TNFSF4: variants seen among roughly 807,000 people sequenced by gnomAD.
TNFSF4 encodes tumor necrosis factor ligand superfamily member 4.
Under a neutral mutation model 7.3 loss-of-function variants are expected in TNFSF4, and 4 were observed. The observed-to-expected ratio is 0.55, with a 90% CI of 0.27 to 1.25. The LOEUF (loss-of-function observed/expected upper bound fraction) is 1.25. Ranked by LOEUF, TNFSF4 falls within the 50% of genes most tolerant of loss-of-function variation. The probability of loss-of-function intolerance (pLI) is 0.12; values close to 1 mark genes in which losing one functional copy is unlikely to be tolerated. For synonymous variants in TNFSF4, 76 were observed against 83.7 expected (o/e 0.91, Z 0.50); for missense variants, 181 against 208.8 (o/e 0.87, Z 0.82).
chr1:173,177,797 C>G, the TNFSF4 span, among the ~76,000 whole-genome samples: 1 of 151,954 alleles, frequency 6.6e-6, no homozygotes, highest in Non-Finnish European at 1.5e-5. Flanking sequence ...TGCATCAAAT[C>G]ACTATAATGC....
chr1:173,441,178 C>T, the TNFSF4 span, among the ~76,000 whole-genome samples: 1 of 152,328 alleles, frequency 6.6e-6, no homozygotes, highest in Admixed American at 6.5e-5. Flanking sequence ...TTCCATTCCA[C>T]AGTCCACTTT....
At chr1:173,364,224 G>GATATATAT in the TNFSF4 span, among the ~76,000 whole-genome samples, 2 of 58,242 alleles carry the variant, frequency 3.4e-5, no homozygotes, top group Non-Finnish European at 6.8e-5. Flanking sequence ...AAGAAGACTA[G>GATATATAT]GTATATATAT....
At chr1:173,274,842 CTTAT>C in the TNFSF4 span, among the ~76,000 whole-genome samples, 9 of 152,072 alleles carry the variant, frequency 5.9e-5, no homozygotes, top group East Asian at 1.7e-3. Context: ...AAAAGAGTAC[CTTAT>C]TTTTGATACA....
the TNFSF4 span, among the ~76,000 whole-genome samples, chr1:173,313,987 A>G: frequency 6.6e-6 from 1 of 152,000 alleles, no homozygotes; most frequent in Non-Finnish European, 1.5e-5. Context: ...TCCCTTATGT[A>G]TAATCATATA....
the TNFSF4 span, among the ~76,000 whole-genome samples, chr1:173,215,917 G>A: frequency 6.6e-6 from 1 of 152,148 alleles, no homozygotes; most frequent in South Asian, 2.1e-4. Flanking sequence ...TGTGGTCTGT[G>A]TCCACAAATG....
At chr1:173,425,060 C>A in the TNFSF4 span, among the ~76,000 whole-genome samples, 1 of 152,324 alleles carries the variant, frequency 6.6e-6, no homozygotes, top group East Asian at 1.9e-4. Context: ...CAGGAATTGT[C>A]AATATTCCAC....
chr1:173,368,901 G>A, the TNFSF4 span, among the ~76,000 whole-genome samples: 1 of 152,126 alleles, frequency 6.6e-6, no homozygotes, highest in African/African-American at 2.4e-5. Flanking sequence ...CGCTCTTCTA[G>A]TTTATCCTAT....
At chr1:173,230,005 T>C in the TNFSF4 span, among the ~76,000 whole-genome samples, 1 of 151,892 alleles carries the variant, frequency 6.6e-6, no homozygotes, top group South Asian at 2.1e-4. Flanking sequence ...CACCCCACTG[T>C]CAACATTAGA....
the TNFSF4 span, among the ~76,000 whole-genome samples, chr1:173,307,614 T>C: frequency 6.6e-6 from 1 of 151,924 alleles, no homozygotes; most frequent in Non-Finnish European, 1.5e-5. Flanking sequence ...GCAATAATCA[T>C]ACTGTGGTCA....
the TNFSF4 span, among the ~76,000 whole-genome samples, chr1:173,286,343 T>C: frequency 6.6e-6 from 1 of 152,186 alleles, no homozygotes; most frequent in Admixed American, 6.5e-5. Context: ...ACATACACTG[T>C]CTGACTTCAA....
chr1:173,316,296 G>C, the TNFSF4 span, among the ~76,000 whole-genome samples: 3 of 151,820 alleles, frequency 2.0e-5, no homozygotes, highest in Non-Finnish European at 2.9e-5. Context: ...TCAAAACATC[G>C]TTTTTACCTT....
At chr1:173,311,860 C>T in the TNFSF4 span, among the ~76,000 whole-genome samples, 71,595 of 151,938 alleles carry the variant, frequency 0.47, 18,437 homozygotes, top group African/African-American at 0.69. Context: ...AGCAACAAAT[C>T]GGTAATGGAC....
At chr1:173,242,048 C>T in the TNFSF4 span, among the ~76,000 whole-genome samples, 1 of 152,128 alleles carries the variant, frequency 6.6e-6, no homozygotes, top group Admixed American at 6.5e-5. Flanking sequence ...ATATGTAATG[C>T]TTAGAGTTTC....
At chr1:173,347,553 T>G in the TNFSF4 span, among the ~76,000 whole-genome samples, 26 of 152,208 alleles carry the variant, frequency 1.7e-4, no homozygotes, top group Non-Finnish European at 3.8e-4. Context: ...GAAAGGAAAG[T>G]AAATGAAATA....
the TNFSF4 span, among the ~76,000 whole-genome samples, chr1:173,382,294 C>T: frequency 6.6e-6 from 1 of 152,118 alleles, no homozygotes; most frequent in Admixed American, 6.5e-5. Context: ...AGCTAGACCA[C>T]GAACCCACCA....
At chr1:173,332,540 A>T in the TNFSF4 span, among the ~76,000 whole-genome samples, 91,693 of 151,430 alleles carry the variant, frequency 0.61, 30,362 homozygotes, top group East Asian at 0.86. Flanking sequence ...CAAAATAAAT[A>T]AATTAATTAA....
At chr1:173,268,065 T>C in the TNFSF4 span, among the ~76,000 whole-genome samples, 1 of 152,138 alleles carries the variant, frequency 6.6e-6, no homozygotes, top group East Asian at 1.9e-4. Context: ...CTGACAAAGC[T>C]ATCTTTCAAG....
the TNFSF4 span, among the ~76,000 whole-genome samples, chr1:173,384,331 C>T: frequency 2.6e-5 from 4 of 152,046 alleles, no homozygotes; most frequent in African/African-American, 9.7e-5. Flanking sequence ...TAAATGAGAT[C>T]GGGAGAAGCA....
chr1:173,373,919 T>C, the TNFSF4 span, among the ~76,000 whole-genome samples: 9 of 152,338 alleles, frequency 5.9e-5, no homozygotes, highest in South Asian at 1.0e-3. Context: ...GTCTGGCTTT[T>C]AAAGCCACAG....
Sources: gnomAD v4.1 joint callset for allele counts (sites outside exome capture counted in the v4.1 genomes callset) on GRCh38, gnomAD v4.1.1 for gene constraint, MANE v1.5 for transcripts, NCBI Gene and HGNC (gene_info 2026-07-23, HGNC 2026-07-21) for gene names.